The following GPRASP3 variants were observed in gnomAD, a reference collection of about 807,000 sequenced individuals.
GPRASP3 encodes the protein G protein-coupled receptor associated sorting protein family member 3, also known as G protein-coupled receptor associated sorting protein 3.
the GPRASP3 span, among the ~76,000 whole-genome samples, chrX:102,732,970 T>C: frequency 8.9e-6 from 1 of 111,977 alleles, no homozygotes; most frequent in Non-Finnish European, 1.9e-5. Flanking sequence ...AGGGACTGTG[T>C]AGACAAGGTA....
chrX:102,747,236 A>G, the GPRASP3 span, among the ~76,000 whole-genome samples: 1 of 112,232 alleles, frequency 8.9e-6, no homozygotes, highest in Non-Finnish European at 1.9e-5. Flanking sequence ...CTGATTCTCA[A>G]AAAGGAGGTG....
chrX:102,745,641 T>C, the GPRASP3 span, among the ~76,000 whole-genome samples: 1 of 111,329 alleles, frequency 9.0e-6, no homozygotes, highest in African/African-American at 3.3e-5. Context: ...CAGCAGTCCC[T>C]GGTTGGGGAG....
the GPRASP3 span, among the ~76,000 whole-genome samples, chrX:102,733,988 G>A: frequency 1.1e-4 from 12 of 109,908 alleles, no homozygotes; most frequent in African/African-American, 4.0e-4. Flanking sequence ...AGGGGCGGGG[G>A]TTACAAGGTG....
At chrX:102,733,675 CTT>C in the GPRASP3 span, among the ~76,000 whole-genome samples, 3 of 109,105 alleles carry the variant, frequency 2.7e-5, no homozygotes, top group Admixed American at 9.9e-5. Flanking sequence ...TGACTTCAGT[CTT>C]TTATTAGTTT....
chrX:102,741,055 C>T, the GPRASP3 span, among the ~76,000 whole-genome samples: 15 of 111,211 alleles, frequency 1.3e-4, 2 homozygotes, highest in East Asian at 8.5e-4. Context: ...AACAAGTGTC[C>T]GAGTTACCAT....
At chrX:102,734,344 C>G in the GPRASP3 span, among the ~76,000 whole-genome samples, 1 of 112,267 alleles carries the variant, frequency 8.9e-6, no homozygotes, top group Non-Finnish European at 1.9e-5. Context: ...ACAGGCCAGG[C>G]GCGGTGGCTC....
At chrX:102,740,260 A>C in the GPRASP3 span, among the ~76,000 whole-genome samples, 1 of 111,758 alleles carries the variant, frequency 8.9e-6, no homozygotes. Flanking sequence ...AACCACAAAA[A>C]GCAGAGTCAC....
the GPRASP3 span, chrX:102,749,118 G>GGCCAAA: frequency 1.7e-6 from 2 of 1,212,104 alleles, no homozygotes; most frequent in African/African-American, 3.5e-5. Context: ...CCAAGACCAG[G>GGCCAAA]GCCAAAGCAA....
the GPRASP3 span, among the ~76,000 whole-genome samples, chrX:102,747,282 T>G: frequency 8.9e-6 from 1 of 112,338 alleles, no homozygotes; most frequent in Non-Finnish European, 1.9e-5. Flanking sequence ...TCCATTAACC[T>G]GCTATTTTTC....
chrX:102,741,172 G>A, the GPRASP3 span, among the ~76,000 whole-genome samples: 1 of 112,078 alleles, frequency 8.9e-6, no homozygotes, highest in Non-Finnish European at 1.9e-5. Context: ...AAGTTTCAGA[G>A]CAAGAGTGGA....
chrX:102,721,443 G>T, the GPRASP3 span, among the ~76,000 whole-genome samples: 1 of 111,605 alleles, frequency 9.0e-6, no homozygotes, highest in Admixed American at 9.5e-5. Flanking sequence ...ACATACATCT[G>T]CCTTTTGCTC....
the GPRASP3 span, among the ~76,000 whole-genome samples, chrX:102,722,660 A>C: frequency 3.6e-5 from 4 of 111,463 alleles, no homozygotes; most frequent in Non-Finnish European, 7.5e-5. Flanking sequence ...CTCGGAACAT[A>C]AAAAAAGACA....
the GPRASP3 span, among the ~76,000 whole-genome samples, chrX:102,729,856 C>T: frequency 9.0e-6 from 1 of 111,445 alleles, no homozygotes; most frequent in Non-Finnish European, 1.9e-5. Context: ...TGAAGAATGC[C>T]TTTGATGGGA....
At chrX:102,730,338 G>A in the GPRASP3 span, among the ~76,000 whole-genome samples, 1 of 112,206 alleles carries the variant, frequency 8.9e-6, no homozygotes, top group South Asian at 3.7e-4. Context: ...TGTATATACA[G>A]ATGAAGATTT....
chrX:102,747,535 A>G, the GPRASP3 span: 4 of 111,634 alleles, frequency 3.6e-5, no homozygotes, highest in Admixed American at 9.5e-5. Flanking sequence ...TGTAAGTACA[A>G]TTGCCTATGT....
the GPRASP3 span, among the ~76,000 whole-genome samples, chrX:102,725,527 CTTT>C: frequency 4.1e-5 from 4 of 96,493 alleles, no homozygotes. Flanking sequence ...CCACTTGTTT[CTTT>C]TTTTTTTTTT....
chrX:102,728,680 G>T, the GPRASP3 span, among the ~76,000 whole-genome samples: 2 of 103,500 alleles, frequency 1.9e-5, no homozygotes, highest in African/African-American at 7.2e-5. Context: ...GACTCCCAAA[G>T]TGCTGAGATT....
chrX:102,748,445 C>T, the GPRASP3 span, among the ~76,000 whole-genome samples: 1 of 112,150 alleles, frequency 8.9e-6, no homozygotes, highest in Non-Finnish European at 1.9e-5. Flanking sequence ...ACTCCTTTAG[C>T]CTTTCTCACT....
the GPRASP3 span, among the ~76,000 whole-genome samples, chrX:102,726,641 C>T: frequency 5.4e-5 from 6 of 111,938 alleles, no homozygotes; most frequent in African/African-American, 1.9e-4. Flanking sequence ...TTGTTTAGTG[C>T]ACCTGGGAAA....
Sources: allele counts gnomAD v4.1 joint callset (sites outside exome capture counted in the v4.1 genomes callset), GRCh38; gene constraint gnomAD v4.1.1; transcripts MANE v1.5; gene names NCBI Gene and HGNC (gene_info 2026-07-23, HGNC 2026-07-21).